TAP1: variants seen among roughly 807,000 people sequenced by gnomAD.
TAP1 encodes the protein transporter 1, ATP binding cassette subfamily B member.
In TAP1, 56 loss-of-function variants were observed where a neutral mutation model predicts 79.3. The ratio of observed to expected loss-of-function variants is 0.71; its 90% CI spans 0.57 to 0.88. TAP1 has a LOEUF of 0.88. Ranked by LOEUF, TAP1 falls within the 40% of genes least tolerant of loss-of-function variation. The pLI is 0.00. For missense variants in TAP1, 737 were observed against 936.3 expected (o/e 0.79, Z 2.78); for synonymous variants, 355 against 401.4 (o/e 0.88, Z 1.38).
chr6:32,848,526 A>G, intron 7 of TAP1, 126 bp downstream of exon 7: 1 of 1,076,946 alleles, frequency 9.3e-7, no homozygotes, highest in South Asian at 1.2e-5. Context: ...GATGATGCCT[A>G]CCATTGCCTT....
In TAP1 at chr6:32,853,536, A is replaced by C; in HGVS notation, c.101T>G (p.Val34Gly). Residue 34 changes from valine to glycine, a missense_variant, in exon 1 of 11, where the codon GTG (valine) becomes GGG (glycine). Physicochemically the swap from Val to Gly is moderately radical, Grantham distance 109 (BLOSUM62 -3). Coordinates refer to ENST00000354258, the MANE Select transcript of TAP1 (RefSeq NM_000593.6). The surrounding 1 kb of genome is among the most constrained non-coding windows in gnomAD (Gnocchi z 8.3). ...GTVLLLLADW[V>G]LLRTALPRIF... ...GCGGGGCAGCGCGGTCCGGAGCAGCACCCAGTCGGCGAGAAGTAGCAGTAC... is the reference window on the plus strand; with the variant it reads ...GCGGGGCAGCGCGGTCCGGAGCAGCCCCCAGTCGGCGAGAAGTAGCAGTAC... The C allele has an allele frequency of 6.2e-7, 1 of 1,610,484 alleles. No individual in the cohort carries two copies. Among genetic ancestry groups the C allele is most frequent in the South Asian group, 1.1e-5 (1 of 90,996 alleles).
In TAP1 at chr6:32,852,429, G is replaced by A; in HGVS notation, c.672C>T (p.Phe224=). ...TGGACATGAGAGTTAAGTTTCGAGT[G>A]AAGGTATCGGCTGAGCCATCTTGTA... is the stretch of plus-strand genomic sequence containing the variant. ...WILQDGSADT[F]TRNLTLMSIL... The change falls in exon 2 of 11, where the codon TTC becomes TTT. Residue 224 remains phenylalanine (F), a synonymous_variant. Transcript: ENST00000354258. The surrounding 1 kb of genome is among the most constrained non-coding windows in gnomAD (Gnocchi z 4.8). The A allele has an allele frequency of 6.2e-7, 1 of 1,613,084 alleles. No homozygotes were observed. The highest frequency in any genetic ancestry group is 8.5e-7 in the Non-Finnish European group (1 of 1,180,038).
chr6:32,850,290 G>A lies in TAP1; in HGVS notation c.1248+30C>T, dbSNP rs1236191104. 2 of 1,607,534 alleles carry A rather than the reference G, an allele frequency of 1.2e-6. No individual in the cohort carries two copies. The highest frequency in any genetic ancestry group is 1.7e-6 in the Non-Finnish European group (2 of 1,173,936). On this transcript the variant is annotated intron_variant, in intron 5 of 10. Coordinates refer to ENST00000354258, the MANE Select transcript of TAP1 (RefSeq NM_000593.6). The surrounding 1 kb of genome is among the most constrained non-coding windows in gnomAD (Gnocchi z 5.5). ...TGGAGTCACGGCATCTTAAGGACAA[G>A]GGAATGGGTATTCATCTTCAGGTGC...
At position 32,848,609 on chromosome 6, in the gene TAP1, T is replaced by C. The variant is rs184850092; in HGVS notation, c.1566+43A>G. 2.9e-5 allele frequency: 46 copies of C among 1,605,312 alleles called. No individual in the cohort carries two copies. In the Admixed American group the frequency reaches 4.5e-4, roughly 16 times the overall value. On this transcript the variant is annotated intron_variant, in intron 7 of 10. Transcript: ENST00000354258. ...AGGAAGAAAATTTAGGATGGCAGAA[T>C]TGCAGTTGGGGCCAGTGGAATACAG...
chr6:32,853,136 G>C lies in TAP1; in HGVS notation c.501C>G (p.Gly167=), dbSNP rs1291050398. 1.2e-6 allele frequency: 2 copies of C among 1,612,504 alleles called. No individual in the cohort carries two copies. The highest frequency in any genetic ancestry group is 1.7e-6 in the Non-Finnish European group (2 of 1,179,906). Residue 167 remains glycine (G), a synonymous_variant, in exon 1 of 11, where the codon GGC becomes GGG. Coordinates refer to ENST00000354258, the MANE Select transcript of TAP1 (RefSeq NM_000593.6). The surrounding 1 kb of genome is among the most constrained non-coding windows in gnomAD (Gnocchi z 8.3). ...LGSLWVPGGQ[G]GSGNPVRRLL... ...GCCGACGCACAGGGTTTCCAGAGCC[G>C]CCCTGACCGCCGGGCACCCAGAGGC...
chr6:32,846,052 C>T, intron 10 of TAP1: 1 of 560,478 alleles, frequency 1.8e-6, no homozygotes, highest in Non-Finnish European at 3.2e-6. Flanking sequence ...TTGAATAGTC[C>T]TCTTCTCTAC....
rs35429362 is a variant in TAP1 at position 32,851,924 on chromosome 6, T to TGAGAGAGAGAGAGAGA, written c.844+169_844+184dup. ...AAAAACAATTGTGTGTGTGTGTGTG[T>TGAGAGAGAGAGAGAGA]GAGAGAGAGAGAGAGAGAGACAGAG... On this transcript the variant is annotated intron_variant, in intron 3 of 10. Coordinates refer to ENST00000354258, the MANE Select transcript of TAP1 (RefSeq NM_000593.6). This position sits in a 1 kb window ranked among gnomAD's most constrained non-coding sequence, Gnocchi z 4.8. Among the ~76,000 whole-genome samples, 4 of 147,336 alleles carry TGAGAGAGAGAGAGAGA rather than the reference T, an allele frequency of 2.7e-5. No homozygotes were observed. The highest frequency in any genetic ancestry group is 7.5e-5 in the African/African-American group (3 of 39,762).
chr6:32,853,686 C>A lies in TAP1; in HGVS notation c.-50G>T. On this transcript the variant is annotated 5_prime_UTR_variant, in exon 1 of 11. Transcript: ENST00000354258. This position sits in a 1 kb window ranked among gnomAD's most constrained non-coding sequence, Gnocchi z 8.3. Reference sequence around the variant, plus strand: ...CCGGCCGGGCCTGGGACTCTCCGCGCCCCGGTGGGGCCTGAAGCTCCGGGT... The same window carrying A: ...CCGGCCGGGCCTGGGACTCTCCGCGACCCGGTGGGGCCTGAAGCTCCGGGT... 6.3e-7 allele frequency: 1 copy of A among 1,577,856 alleles called. No individual in the cohort carries two copies. Among genetic ancestry groups the A allele is most frequent in the Non-Finnish European group, 8.6e-7 (1 of 1,164,590 alleles).
In TAP1 at chr6:32,850,629, A is replaced by G; in HGVS notation, c.1051-112T>C. ...GTGAGAAGAGACAGAGGAAAAGGAG[A>G]AAAGAGAAAGAGACACAGCTATGCC... On this transcript the variant is annotated intron_variant, in intron 4 of 10. Coordinates refer to ENST00000354258, the MANE Select transcript of TAP1 (RefSeq NM_000593.6). This position sits in a 1 kb window ranked among gnomAD's most constrained non-coding sequence, Gnocchi z 5.5. 1.0e-6 allele frequency: 1 copy of G among 997,004 alleles called. No individual in the cohort carries two copies. Among genetic ancestry groups the G allele is most frequent in the Non-Finnish European group, 1.5e-6 (1 of 651,212 alleles). 61.8% of individuals were successfully genotyped at this position (997,004 alleles called of 1,614,324 possible). A position where few individuals can be genotyped will look rare whatever the true frequency, so the allele number is the denominator to read the frequency against.
In TAP1 at chr6:32,851,977, A is replaced by C. The variant is rs1392179768; in HGVS notation, c.844+132T>G. The C allele has an allele frequency of 6.2e-6, 7 of 1,128,996 alleles. No individual in the cohort carries two copies. The highest frequency in any genetic ancestry group is 1.6e-5 in the African/African-American group (1 of 63,296). 69.9% of individuals were successfully genotyped at this position (1,128,996 alleles called of 1,614,324 possible). The stretch of plus-strand genomic sequence containing the variant: ...AGAGAGAGAGAGACAGGGAGAGGGT[A>C]TATCAAGAATGAGAAGGAACAATGT... On this transcript the variant is annotated intron_variant, in intron 3 of 10. Transcript: ENST00000354258. The surrounding 1 kb of genome is among the most constrained non-coding windows in gnomAD (Gnocchi z 4.8).
rs753798952 is a variant in TAP1 at position 32,853,470 on chromosome 6, C to T, written c.167G>A (p.Arg56Gln). 2.5e-6 allele frequency: 4 copies of T among 1,610,524 alleles called. No individual in the cohort carries two copies. In the South Asian group the frequency reaches 3.3e-5, roughly 13 times the overall value. ...LLVPTALPLL[R>Q]VWAVGLSRWA... ...GCGGCTCAGGCCCACCGCCCAGACC[C>T]GGAGCAGTGGCAGCGCGGTGGGCAC... Residue 56 changes from arginine (R) to glutamine (Q), a missense_variant, in exon 1 of 11, where the codon CGG (arginine) becomes CAG (glutamine). This residue lies in a region of TAP1 where 6 missense variants were observed against 24.6 expected (regional missense o/e 0.24). Transcript: ENST00000354258. This position sits in a 1 kb window ranked among gnomAD's most constrained non-coding sequence, Gnocchi z 8.3.
At position 32,853,277 on chromosome 6, in the gene TAP1, TC is replaced by T; in HGVS notation, c.359del (p.Gly120GlufsTer58). Reference sequence around the variant, plus strand: ...TGGTGCTATCCGCGGACCCGGGGGCTCCCCATGAGATCAGCTCTCGGAACAA... The same window carrying T: ...TGGTGCTATCCGCGGACCCGGGGGCTCCCATGAGATCAGCTCTCGGAACAA... ...LALFRELISW[G>X]APGSADSTRL... On this transcript the variant is annotated frameshift_variant, in exon 1 of 11. Coordinates refer to ENST00000354258, the MANE Select transcript of TAP1 (RefSeq NM_000593.6). LOFTEE classifies it high-confidence loss of function. This position sits in a 1 kb window ranked among gnomAD's most constrained non-coding sequence, Gnocchi z 8.3. 6.3e-7 allele frequency: 1 copy of T among 1,586,272 alleles called. No individual in the cohort carries two copies. The highest frequency in any genetic ancestry group is 8.6e-7 in the Non-Finnish European group (1 of 1,165,696).
At position 32,850,133 on chromosome 6, in the gene TAP1, G is replaced by A. The variant is rs1242809048; in HGVS notation, c.1248+187C>T. On this transcript the variant is annotated intron_variant, in intron 5 of 10. Transcript: ENST00000354258. The surrounding 1 kb of genome is among the most constrained non-coding windows in gnomAD (Gnocchi z 5.5). ...TACCATACTGAAAGGAAGCCACCTA[G>A]CATCTTTAAAGAGAGGGAGGGGGCT... 3.2e-5 allele frequency: 22 copies of A among 684,064 alleles called. No individual in the cohort carries two copies. Among genetic ancestry groups the A allele is most frequent in the Middle Eastern group, 3.8e-4 (1 of 2,648 alleles). 42.4% of individuals were successfully genotyped at this position (684,064 alleles called of 1,614,324 possible).
intron 5 of TAP1, 163 bp from the exon 6 acceptor site, chr6:32,849,281 C>CTCTGGT: frequency 1.3e-6 from 1 of 781,988 alleles, no homozygotes; most frequent in Non-Finnish European, 2.1e-6. Context: ...CCCATGGAGT[C>CTCTGGT]TGACTCAATG....
intron 10 of TAP1, among the ~76,000 whole-genome samples, chr6:32,846,779 T>G (rs1582625986): frequency 6.6e-6 from 1 of 151,922 alleles, no homozygotes; most frequent in Admixed American, 6.6e-5. Flanking sequence ...ATTGTGCCAC[T>G]GCGCTCCAGC....
In TAP1 at chr6:32,845,708, C is replaced by G. The variant is rs914751735; in HGVS notation, c.2118G>C (p.Val706=). Residue 706 remains valine (V), a synonymous_variant, in exon 11 of 11, where the codon GTG becomes GTC. Coordinates refer to ENST00000354258, the MANE Select transcript of TAP1 (RefSeq NM_000593.6). This position sits in a 1 kb window ranked among gnomAD's most constrained non-coding sequence, Gnocchi z 4.5. ...VLLITQHLSL[V]EQADHILFLE... ...GAAAGAGGATGTGGTCAGCCTGCTC[C>G]ACCAGGCTGAGGTGCTGGGTGATGA... 1 of 1,612,998 alleles carries G rather than the reference C, an allele frequency of 6.2e-7. No homozygotes were observed. Among genetic ancestry groups the G allele is most frequent in the Non-Finnish European group, 8.5e-7 (1 of 1,179,980 alleles).
rs1342131226 is a variant in TAP1, at chr6:32,852,631, G to A, written c.599-129C>T. 4.5e-6 allele frequency: 7 copies of A among 1,543,982 alleles called. No individual in the cohort carries two copies. Among genetic ancestry groups the A allele is most frequent in the Middle Eastern group, 2.0e-4 (1 of 4,918 alleles). On this transcript the variant is annotated intron_variant, in intron 1 of 10. Transcript: ENST00000354258. This position sits in a 1 kb window ranked among gnomAD's most constrained non-coding sequence, Gnocchi z 4.8. ...AGGGCATCAGCAGAAAGGAAACACT[G>A]ACGTCTCAATCCCGAACCTAAATAG...
In TAP1 at chr6:32,851,214, C is replaced by A. The variant is rs2071537; in HGVS notation, c.845-65G>T. The A allele has an allele frequency of 0.012, 18,425 of 1,527,250 alleles. 403 individuals carry two copies. Among genetic ancestry groups the A allele is most frequent in the East Asian group, 0.075 (3,247 of 43,092 alleles). The allele number at this position is 1,527,250 out of a possible 1,614,324, so 94.6% of individuals were successfully genotyped here. A position where few individuals can be genotyped will look rare whatever the true frequency, so the allele number is the denominator to read the frequency against. Reference sequence around the variant, plus strand: ...GGTTCCAAGTGATGAGACGAACTAACAATGAGCCAGGATGCCAGGGTCAGG... The same window carrying A: ...GGTTCCAAGTGATGAGACGAACTAAAAATGAGCCAGGATGCCAGGGTCAGG... On this transcript the variant is annotated intron_variant, in intron 3 of 10. Coordinates refer to ENST00000354258, the MANE Select transcript of TAP1 (RefSeq NM_000593.6). This position sits in a 1 kb window ranked among gnomAD's most constrained non-coding sequence, Gnocchi z 4.8.
At chr6:32,848,586 G>A (rs1052419677) in intron 7 of TAP1, 66 bp downstream of exon 7, 2 of 1,564,618 alleles carry the variant, frequency 1.3e-6, no homozygotes, top group Non-Finnish European at 1.8e-6. Context: ...CTGAAGGCAG[G>A]AAGAAAATTT....
Sources: allele counts gnomAD v4.1 joint callset (sites outside exome capture counted in the v4.1 genomes callset), GRCh38; gene constraint gnomAD v4.1.1; regional missense constraint gnomAD v4.1.1; non-coding constraint Gnocchi (gnomAD v3.1); transcripts MANE v1.5; gene names NCBI Gene and HGNC (gene_info 2026-07-23, HGNC 2026-07-21).